PGS1: variants seen among roughly 807,000 people sequenced by gnomAD.
PGS1 encodes CDP-diacylglycerol--glycerol-3-phosphate 3-phosphatidyltransferase, mitochondrial.
Under a neutral mutation model 58.3 loss-of-function variants are expected in PGS1, and 44 were observed. The ratio of observed to expected loss-of-function variants is 0.75; its 90% CI spans 0.59 to 0.97. The LOEUF (loss-of-function observed/expected upper bound fraction) is 0.97, where lower values mean the gene tolerates loss of function less well. PGS1 is among the 50% of genes least tolerant of loss of function. The pLI, the probability that PGS1 is intolerant of heterozygous loss-of-function variation, is 0.00. For missense variants in PGS1, 684 were observed against 731.1 expected, an observed-to-expected ratio of 0.94 and a Z score of 0.74; for synonymous variants, 330 against 311.0, an observed-to-expected ratio of 1.06 and a Z score of -0.64.
chr17:78,424,313 T>A lies in PGS1; in HGVS notation c.*263T>A. 1.2e-6 allele frequency: 1 copy of A among 835,876 alleles called. No homozygotes were observed. The highest frequency in any genetic ancestry group is 1.8e-6 in the Non-Finnish European group (1 of 555,080). The allele number at this position is 835,876 out of a possible 1,614,324, so 51.8% of individuals were successfully genotyped here. On this transcript the variant is annotated 3_prime_UTR_variant, in exon 10 of 10. Transcript: ENST00000262764. ...CCACGGCTGGAAGCAGAGGCCTTCG[T>A]AGGTGATGGCCTGCATGTTGTAACT... is the stretch of plus-strand genomic sequence containing the variant.
chr17:78,379,592 G>A (rs910322019), intron 1 of PGS1, among the ~76,000 whole-genome samples: 1 of 152,060 alleles, frequency 6.6e-6, no homozygotes, highest in South Asian at 2.1e-4. Context: ...TTGGGAGGCC[G>A]AGGCAGGTGG....
At chr17:78,387,726 G>A (rs55894414) in intron 1 of PGS1, among the ~76,000 whole-genome samples, 5,606 of 151,034 alleles carry the variant, frequency 0.037, 338 homozygotes, top group African/African-American at 0.13. Flanking sequence ...CAGCCTCCCT[G>A]GTAGCTGGGA....
At chr17:78,415,661 C>T (rs1028451925) in intron 8 of PGS1, among the ~76,000 whole-genome samples, 86 of 152,306 alleles carry the variant, frequency 5.6e-4, no homozygotes, top group African/African-American at 1.7e-3. Context: ...ACAGTGGTTT[C>T]GGCCCTCGTT....
chr17:78,385,614 G>C (rs2082328307), intron 1 of PGS1, among the ~76,000 whole-genome samples: 1 of 152,148 alleles, frequency 6.6e-6, no homozygotes, highest in African/African-American at 2.4e-5. Context: ...TAGTAGAGAT[G>C]GGGTTTCACT....
chr17:78,404,230 T>C (rs1488254903), intron 7 of PGS1, 141 bp downstream of exon 7: 2 of 880,086 alleles, frequency 2.3e-6, no homozygotes, highest in Non-Finnish European at 3.3e-6. Flanking sequence ...AGGCACATCA[T>C]AGCTGTCCCA....
chr17:78,410,721 C>G (rs72921239), intron 7 of PGS1, among the ~76,000 whole-genome samples: 37,697 of 151,994 alleles, frequency 0.25, 5,818 homozygotes, highest in Non-Finnish European at 0.35. Context: ...ATCTGCCCGC[C>G]TTGGCCCCCC....
intron 2 of PGS1, 95 bp downstream of exon 2, chr17:78,392,760 A>G (rs2082920221): frequency 1.1e-6 from 1 of 891,604 alleles, no homozygotes; most frequent in African/African-American, 1.7e-5. Flanking sequence ...AACTTTGGAT[A>G]GCTGCTCAAG....
At chr17:78,391,325 TTTGA>T (rs775977733) in intron 1 of PGS1, among the ~76,000 whole-genome samples, 4 of 152,102 alleles carry the variant, frequency 2.6e-5, no homozygotes, top group Non-Finnish European at 4.4e-5. Context: ...CGAGTCTGAT[TTTGA>T]TTGATTGAGA....
At chr17:78,398,903 T>C (rs2083444059) in intron 4 of PGS1, among the ~76,000 whole-genome samples, 1 of 152,162 alleles carries the variant, frequency 6.6e-6, no homozygotes, top group Admixed American at 6.5e-5. Flanking sequence ...GGGTCAAAGC[T>C]CCTGACTGGC....
At chr17:78,393,633 A>G (rs1387061200) in intron 2 of PGS1, among the ~76,000 whole-genome samples, 2 of 152,154 alleles carry the variant, frequency 1.3e-5, no homozygotes, top group African/African-American at 2.4e-5. Flanking sequence ...AGGCCTTTCA[A>G]AGTAACTGGG....
Position 78,414,971 on chromosome 17 carries a change from G to A in PGS1, c.1495G>A (p.Glu499Lys). Reference protein sequence around the residue: ...FGYRSVHRDLEAQIAIVTENQ... With the variant: ...FGYRSVHRDLKAQIAIVTENQ... ...GTACAGGTCAGTTCACCGGGACCTG[G>A]AGGCCCAGATTGCGATCGTGACGGA... is the stretch of plus-strand genomic sequence containing the variant. Residue 499 changes from glutamate (E) to lysine (K), a missense_variant, in exon 8 of 10, where the codon GAG (glutamate) becomes AAG (lysine). By Grantham distance (56) the Glu-to-Lys change is moderately conservative (BLOSUM62 1). Transcript: ENST00000262764. 1 of 1,613,760 alleles carries A rather than the reference G, an allele frequency of 6.2e-7. No individual in the cohort carries two copies. Among genetic ancestry groups the A allele is most frequent in the Non-Finnish European group, 8.5e-7 (1 of 1,180,014 alleles).
At chr17:78,409,655 T>C (rs4969143) in intron 7 of PGS1, among the ~76,000 whole-genome samples, 94,766 of 152,090 alleles carry the variant, frequency 0.62, 29,617 homozygotes, top group Admixed American at 0.66. Context: ...AGCAGGTGAG[T>C]GCTTATCCTG....
chr17:78,403,042 TG>T (rs1282448134), intron 6 of PGS1, among the ~76,000 whole-genome samples: 1 of 152,208 alleles, frequency 6.6e-6, no homozygotes, highest in African/African-American at 2.4e-5. Context: ...TTATCCAAGG[TG>T]ATGGCTTGCC....
intron 1 of PGS1, among the ~76,000 whole-genome samples, chr17:78,380,127 A>G (rs564495389): frequency 5.7e-4 from 87 of 152,078 alleles, no homozygotes; most frequent in African/African-American, 2.0e-3. Flanking sequence ...CGGCCTCCCA[A>G]AGTGCTGGGA....
intron 8 of PGS1, among the ~76,000 whole-genome samples, chr17:78,416,977 G>A (rs1157970377): frequency 1.3e-5 from 2 of 152,252 alleles, no homozygotes; most frequent in Admixed American, 6.5e-5. Context: ...GGAATTCAGG[G>A]AGGGGCCCTC....
chr17:78,394,273 C>T (rs2083058605), intron 2 of PGS1, among the ~76,000 whole-genome samples: 1 of 151,882 alleles, frequency 6.6e-6, no homozygotes, highest in Non-Finnish European at 1.5e-5. Flanking sequence ...TAGAGACTCC[C>T]CTTTCACCTT....
At chr17:78,409,295 G>T (rs2084421861) in intron 7 of PGS1, among the ~76,000 whole-genome samples, 1 of 152,256 alleles carries the variant, frequency 6.6e-6, no homozygotes, top group South Asian at 2.1e-4. Flanking sequence ...ATTTCTTCTG[G>T]ACGCAGTATT....
intron 9 of PGS1, among the ~76,000 whole-genome samples, chr17:78,422,400 T>G (rs947073666): frequency 6.5e-5 from 9 of 137,984 alleles, no homozygotes; most frequent in Admixed American, 4.3e-4. Context: ...TTCTAGATGC[T>G]TCTTAACCCA....
At chr17:78,390,353 T>C (rs2082737308) in intron 1 of PGS1, among the ~76,000 whole-genome samples, 2 of 151,888 alleles carry the variant, frequency 1.3e-5, no homozygotes, top group Admixed American at 1.3e-4. Context: ...TTCCCACCTC[T>C]GCACTGGGTG....
Sources: allele counts gnomAD v4.1 joint callset (sites outside exome capture counted in the v4.1 genomes callset), GRCh38; gene constraint gnomAD v4.1.1; transcripts MANE v1.5; gene names NCBI Gene and HGNC (gene_info 2026-07-23, HGNC 2026-07-21).